The following SHB variants were observed in gnomAD, a reference collection of about 807,000 sequenced individuals.
SHB encodes the protein SH2 domain-containing adapter protein B.
Under a neutral mutation model 52.3 loss-of-function variants are expected in SHB, and 20 were observed. The ratio of observed to expected loss-of-function variants is 0.38; its 90% CI spans 0.27 to 0.56. The LOEUF (loss-of-function observed/expected upper bound fraction) is 0.56. Among genes scored for constraint, SHB ranks in the 20% least tolerant of loss-of-function variants. The pLI, the probability that SHB is intolerant of heterozygous loss-of-function variation, is 0.71. For synonymous variants in SHB, 397 were observed against 316.5 expected, an observed-to-expected ratio of 1.25 and a Z score of -2.70; for missense variants, 825 against 723.3, an observed-to-expected ratio of 1.14 and a Z score of -1.61.
At chr9:37,920,537 G>A (rs1832168559) in intron 5 of SHB, among the ~76,000 whole-genome samples, 1 of 152,194 alleles carries the variant, frequency 6.6e-6, no homozygotes, top group Non-Finnish European at 1.5e-5. Context: ...TCACTGGGAA[G>A]GGGCCACCCA....
chr9:37,971,492 G>A (rs1182605697), intron 3 of SHB, among the ~76,000 whole-genome samples: 1 of 152,206 alleles, frequency 6.6e-6, no homozygotes, highest in African/African-American at 2.4e-5. Context: ...GGAAGAGAAG[G>A]CTGGTGCCCA....
chr9:37,923,824 G>A (rs1832212445), intron 5 of SHB, among the ~76,000 whole-genome samples: 1 of 152,196 alleles, frequency 6.6e-6, no homozygotes, highest in South Asian at 2.1e-4. Flanking sequence ...TGAGGCCAGA[G>A]AGTACACTAC....
chr9:37,945,430 C>T (rs1832480933), intron 5 of SHB, among the ~76,000 whole-genome samples: 1 of 152,164 alleles, frequency 6.6e-6, no homozygotes, highest in South Asian at 2.1e-4. Flanking sequence ...AGCTGGGGCT[C>T]CTCTGGGAAG....
At chr9:38,040,139 CGACTCCTTCCAA>C (rs1205768595) in intron 1 of SHB, among the ~76,000 whole-genome samples, 7 of 152,220 alleles carry the variant, frequency 4.6e-5, no homozygotes, top group Non-Finnish European at 8.8e-5. Context: ...TGCAGGAAGG[CGACTCCTTCCAA>C]GGCTCAGAAC....
At chr9:38,038,759 C>T (rs1161505171) in intron 1 of SHB, among the ~76,000 whole-genome samples, 1 of 152,174 alleles carries the variant, frequency 6.6e-6, no homozygotes, top group African/African-American at 2.4e-5. Context: ...AACCAATGAG[C>T]TGCCTGGGCA....
intron 5 of SHB, among the ~76,000 whole-genome samples, chr9:37,942,267 G>A (rs1303349042): frequency 6.6e-6 from 1 of 152,198 alleles, no homozygotes; most frequent in Non-Finnish European, 1.5e-5. Flanking sequence ...ACGTCATCAA[G>A]CAATCTGAAG....
intron 1 of SHB, among the ~76,000 whole-genome samples, chr9:38,032,266 A>T (rs1244147492): frequency 6.6e-6 from 1 of 152,200 alleles, no homozygotes; most frequent in Non-Finnish European, 1.5e-5. Context: ...TTCAGATGAG[A>T]AAACCGAAGC....
intron 1 of SHB, among the ~76,000 whole-genome samples, chr9:38,065,983 C>CCCTCCTGTAACCCTGTAACA (rs1821955715): frequency 6.6e-6 from 1 of 152,184 alleles, no homozygotes; most frequent in African/African-American, 2.4e-5. Context: ...TGCCCTTCAT[C>CCCTCCTGTAACCCTGTAACA]CCTCCTGTAA....
chr9:37,957,900 A>AG (rs1318574261), intron 3 of SHB, among the ~76,000 whole-genome samples: 1 of 152,228 alleles, frequency 6.6e-6, no homozygotes, highest in Non-Finnish European at 1.5e-5. Context: ...AGGAAGAACA[A>AG]GTTCAAGGGC....
chr9:37,949,134 G>A (rs1832530235), intron 4 of SHB, among the ~76,000 whole-genome samples: 1 of 152,168 alleles, frequency 6.6e-6, no homozygotes, highest in Non-Finnish European at 1.5e-5. Flanking sequence ...GGTGGCTCAC[G>A]CCTGTAATCC....
chr9:37,955,219 T>C (rs1322856155), intron 4 of SHB, among the ~76,000 whole-genome samples: 1 of 152,184 alleles, frequency 6.6e-6, no homozygotes, highest in Non-Finnish European at 1.5e-5. Context: ...AATGAGAAAC[T>C]AGGATGTAAA....
At chr9:37,957,060 T>C (rs572548810) in intron 3 of SHB, among the ~76,000 whole-genome samples, 15 of 152,364 alleles carry the variant, frequency 9.8e-5, no homozygotes, top group Admixed American at 2.0e-4. Context: ...GGCTACGCTA[T>C]TGAACCTCTT....
In SHB at chr9:37,919,863, C is replaced by T. The variant is rs369304644; in HGVS notation, c.1488G>A (p.Glu496=). The T allele has an allele frequency of 2.6e-4, 426 of 1,614,110 alleles. 1 individual carries two copies. The highest frequency in any genetic ancestry group is 3.4e-4 in the Non-Finnish European group (398 of 1,180,014). The change falls in exon 6 of 6, where the codon GAG becomes GAA. Residue 496 remains glutamate (E), a synonymous_variant. Transcript: ENST00000377707. ...CCACGGGATAGAGGAGGGACAAGTGCTCAGCCCCTTTGATGGGTAGCTTTC... is the reference window on the plus strand; with the variant it reads ...CCACGGGATAGAGGAGGGACAAGTGTTCAGCCCCTTTGATGGGTAGCTTTC... ...TTRKLPIKGA[E]HLSLLYPVAV...
chr9:38,029,810 G>C (rs1478156107), intron 1 of SHB, among the ~76,000 whole-genome samples: 2 of 152,196 alleles, frequency 1.3e-5, no homozygotes, highest in Admixed American at 6.5e-5. Context: ...ATTTAAATGA[G>C]TTAGTATTTG....
At chr9:37,989,202 C>T (rs942842816) in intron 2 of SHB, among the ~76,000 whole-genome samples, 4 of 152,152 alleles carry the variant, frequency 2.6e-5, no homozygotes, top group African/African-American at 9.7e-5. Context: ...AGACTAGCTG[C>T]TTGTCTGTTT....
At position 37,926,332 on chromosome 9, in the gene SHB, ACT is replaced by A. The variant is rs1056285551; in HGVS notation, c.1347-6330_1347-6329del. Among the ~76,000 whole-genome samples, 16 of 151,284 alleles carry A rather than the reference ACT, an allele frequency of 1.1e-4. No homozygotes were observed. The South Asian group carries it at 1.9e-3, about 18-fold the overall frequency. ...TTGCTAGGTCTATGCCTCTAAAGAA[ACT>A]CTCCTCCTCACACCCGCGAGCAGGA... On this transcript the variant is annotated intron_variant, in intron 5 of 5. Coordinates refer to ENST00000377707, the MANE Select transcript of SHB (RefSeq NM_003028.3).
At chr9:37,967,517 G>A (rs1339980687) in intron 3 of SHB, among the ~76,000 whole-genome samples, 3 of 152,190 alleles carry the variant, frequency 2.0e-5, no homozygotes, top group Non-Finnish European at 2.9e-5. Context: ...AAGCACAGAG[G>A]GGAAGGAACC....
intron 2 of SHB, among the ~76,000 whole-genome samples, chr9:37,991,306 C>T (rs1435002947): frequency 6.6e-6 from 1 of 152,188 alleles, no homozygotes; most frequent in Admixed American, 6.5e-5. Context: ...TGATCAGAGT[C>T]TGTGCACGCT....
intron 3 of SHB, among the ~76,000 whole-genome samples, chr9:37,970,630 G>GCAC (rs1411932628): frequency 6.6e-6 from 1 of 152,168 alleles, no homozygotes; most frequent in Non-Finnish European, 1.5e-5. Flanking sequence ...TCTCTGACCA[G>GCAC]CACGCTGAGG....
Sources: allele counts gnomAD v4.1 joint callset (sites outside exome capture counted in the v4.1 genomes callset), GRCh38; gene constraint gnomAD v4.1.1; transcripts MANE v1.5; gene names NCBI Gene and HGNC (gene_info 2026-07-23, HGNC 2026-07-21).